Variants in TACC2 observed in about 807,000 individuals in gnomAD.
The protein encoded by TACC2 is transforming acidic coiled-coil containing protein 2.
TACC2 carries 137 observed loss-of-function variants against 227.3 expected under a neutral mutation model. The ratio of observed to expected loss-of-function variants is 0.60; its 90% CI spans 0.52 to 0.69. The LOEUF is 0.69. TACC2 is among the 30% of genes least tolerant of loss of function. The pLI is 0.00. For missense variants in TACC2, 3,470 were observed against 3,694.4 expected (o/e 0.94, Z 1.57); for synonymous variants, 1,523 against 1,487.5 (o/e 1.02, Z -0.55).
At chr10:122,186,889 C>T (rs1247322964) in intron 7 of TACC2, among the ~76,000 whole-genome samples, 4 of 152,156 alleles carry the variant, frequency 2.6e-5, no homozygotes, top group Non-Finnish European at 4.4e-5. Context: ...GATCTGTGTG[C>T]GAAGGCAAGG....
intron 9 of TACC2, chr10:122,213,486 G>C: frequency 8.9e-7 from 1 of 1,123,696 alleles, no homozygotes; most frequent in African/African-American, 1.5e-5. Flanking sequence ...CTACTGATGT[G>C]TTTCTGTGGT....
rs550171849 is a variant in TACC2 at position 122,099,848 on chromosome 10, C to G, written c.5573+11257C>G. 6.6e-5 allele frequency among the ~76,000 whole-genome samples: 10 copies of G among 152,322 alleles called. No individual in the cohort carries two copies. The East Asian group carries it at 1.9e-3, about 29-fold the overall frequency. On this transcript the variant is annotated intron_variant, in intron 5 of 22. Transcript: ENST00000369005. ...GGGAAGCTTATGTGTTAGGAACTACCAGGCTTCTGTTGAAGTGTTGTGTAT... is the reference window on the plus strand; with the variant it reads ...GGGAAGCTTATGTGTTAGGAACTACGAGGCTTCTGTTGAAGTGTTGTGTAT...
intron 7 of TACC2, among the ~76,000 whole-genome samples, chr10:122,173,812 A>G (rs1360017047): frequency 6.6e-6 from 1 of 152,204 alleles, no homozygotes; most frequent in Non-Finnish European, 1.5e-5. Context: ...AGGGAAGAGC[A>G]TGGCTGAGCC....
intron 6 of TACC2, among the ~76,000 whole-genome samples, chr10:122,139,179 A>G (rs1261251329): frequency 6.6e-6 from 1 of 152,206 alleles, no homozygotes; most frequent in African/African-American, 2.4e-5. Context: ...AAATTTGAAA[A>G]TAACATCCCT....
At chr10:122,143,028 C>T (rs1052751521) in intron 6 of TACC2, among the ~76,000 whole-genome samples, 1 of 152,196 alleles carries the variant, frequency 6.6e-6, no homozygotes, top group Non-Finnish European at 1.5e-5. Context: ...TCGAGGGCCA[C>T]ACTCCGTCTC....
chr10:122,178,621 C>T (rs148345032), intron 7 of TACC2, among the ~76,000 whole-genome samples: 6,801 of 152,210 alleles, frequency 0.045, 429 homozygotes, highest in African/African-American at 0.14. Context: ...CAGTGGCTCA[C>T]GCCTGTAATC....
rs779920795 is a variant in TACC2, at chr10:122,087,154, A to T, written c.4654A>T (p.Ser1552Cys). ...EGQAYSQLER[S>C]RQELASGLPS... Reference sequence around the variant, plus strand: ...CCAGGCTTACTCACAGCTGGAGAGGAGCAGGCAGGAATTAGCTTCAGGTCT... The same window carrying T: ...CCAGGCTTACTCACAGCTGGAGAGGTGCAGGCAGGAATTAGCTTCAGGTCT... The change falls in exon 4 of 23, where the codon AGC becomes TGC. Residue 1552 changes from serine (S) to cysteine (C), a missense_variant. By Grantham distance (112) the Ser-to-Cys change is moderately radical. Around this residue, in one of 10 missense-constraint regions of TACC2, gnomAD observed 1,924 missense variants for 1,978.3 expected, o/e 0.97. Transcript: ENST00000369005. 1.9e-6 allele frequency: 3 copies of T among 1,611,268 alleles called. No individual in the cohort carries two copies. The highest frequency in any genetic ancestry group is 2.5e-6 in the Non-Finnish European group (3 of 1,179,224).
At chr10:122,020,863 T>C (rs17102867) in intron 1 of TACC2, among the ~76,000 whole-genome samples, 13,159 of 152,160 alleles carry the variant, frequency 0.086, 666 homozygotes, top group South Asian at 0.18. Flanking sequence ...CAGCGTCTTA[T>C]GGAATTCAGT....
At chr10:122,113,796 G>T (rs2084101850) in intron 5 of TACC2, among the ~76,000 whole-genome samples, 1 of 152,216 alleles carries the variant, frequency 6.6e-6, no homozygotes, top group South Asian at 2.1e-4. Flanking sequence ...AGCGCACTTC[G>T]GGGATCCGGC....
chr10:122,215,493 G>A lies in TACC2; in HGVS notation c.7344+42G>A, dbSNP rs182738208. On this transcript the variant is annotated intron_variant, in intron 10 of 22. Coordinates refer to ENST00000369005, the MANE Select transcript of TACC2 (RefSeq NM_206862.4). ...ATCTTGATGGTTTTATGCCCCCCCCGGGGGAGGTTTTCTTCGCTTGTTGAC... is the reference window on the plus strand; with the variant it reads ...ATCTTGATGGTTTTATGCCCCCCCCAGGGGAGGTTTTCTTCGCTTGTTGAC... 351 of 1,551,454 alleles carry A rather than the reference G, an allele frequency of 2.3e-4. 1 individual carries two copies. In the East Asian group the frequency reaches 6.0e-3, roughly 27 times the overall value.
intron 2 of TACC2, among the ~76,000 whole-genome samples, chr10:122,029,434 T>G (rs552648957): frequency 6.6e-6 from 1 of 152,304 alleles, no homozygotes; most frequent in South Asian, 2.1e-4. Context: ...GTATCTAAAT[T>G]CGTAAGAAAT....
chr10:122,158,838 CT>C (rs2092651567), intron 7 of TACC2, among the ~76,000 whole-genome samples: 1 of 152,232 alleles, frequency 6.6e-6, no homozygotes, highest in African/African-American at 2.4e-5. Context: ...ACACAACCAT[CT>C]TCTGCCTTTT....
intron 1 of TACC2, among the ~76,000 whole-genome samples, chr10:122,007,782 T>C (rs1955364146): frequency 6.6e-6 from 1 of 152,218 alleles, no homozygotes; most frequent in Non-Finnish European, 1.5e-5. Context: ...AAAACTCTCA[T>C]TGAAATTCAG....
At chr10:122,048,085 G>C (rs879468991) in intron 2 of TACC2, among the ~76,000 whole-genome samples, 21 of 152,216 alleles carry the variant, frequency 1.4e-4, no homozygotes, top group Non-Finnish European at 2.6e-4. Context: ...CAACAAGTCT[G>C]ACGGTCTCAA....
chr10:122,080,619 G>A (rs1220681963), intron 3 of TACC2, among the ~76,000 whole-genome samples: 1 of 152,150 alleles, frequency 6.6e-6, no homozygotes, highest in African/African-American at 2.4e-5. Context: ...CCTCCTTAAA[G>A]TGCCTGCCTC....
intron 1 of TACC2, among the ~76,000 whole-genome samples, chr10:121,993,385 C>T (rs1953118198): frequency 6.6e-6 from 1 of 152,078 alleles, no homozygotes; most frequent in Non-Finnish European, 1.5e-5. Flanking sequence ...AAAAATTATA[C>T]ATTCACATGA....
chr10:122,059,871 T>C (rs1275176233), intron 3 of TACC2, among the ~76,000 whole-genome samples: 2 of 152,096 alleles, frequency 1.3e-5, no homozygotes, highest in African/African-American at 4.8e-5. Context: ...CACCTGGGAA[T>C]TTGTTAAAAA....
intron 16 of TACC2, among the ~76,000 whole-genome samples, chr10:122,233,947 C>T (rs1457614585): frequency 1.3e-5 from 2 of 152,200 alleles, no homozygotes; most frequent in Admixed American, 6.5e-5. Context: ...AGGCCACTCT[C>T]CTGCGCGGGT....
At chr10:122,177,790 A>G (rs1018434137) in intron 7 of TACC2, among the ~76,000 whole-genome samples, 3 of 152,178 alleles carry the variant, frequency 2.0e-5, no homozygotes, top group Non-Finnish European at 4.4e-5. Flanking sequence ...TGGCCCTTCC[A>G]GAACTGCCAT....
Sources: gnomAD v4.1 joint callset for allele counts (sites outside exome capture counted in the v4.1 genomes callset) on GRCh38, gnomAD v4.1.1 for gene constraint, gnomAD v4.1.1 regional missense constraint, MANE v1.5 for transcripts, NCBI Gene and HGNC (gene_info 2026-07-23, HGNC 2026-07-21) for gene names.